TRPS1: variants seen among roughly 807,000 people sequenced by gnomAD.
TRPS1 encodes the protein zinc finger transcription factor Trps1.
In TRPS1, 6 loss-of-function variants were observed where a neutral mutation model predicts 101.2. The observed-to-expected ratio is 0.06, with a 90% confidence interval of 0.03 to 0.12. The LOEUF (loss-of-function observed/expected upper bound fraction) is 0.12, where lower values mean the gene tolerates loss of function less well. Among genes scored for constraint, TRPS1 ranks in the 10% least tolerant of loss-of-function variants. The probability of loss-of-function intolerance (pLI) is 1.00; values close to 1 mark genes in which losing one functional copy is unlikely to be tolerated. For missense variants in TRPS1, 1,363 were observed against 1,567.0 expected (o/e 0.87, Z 2.20); for synonymous variants, 578 against 589.8 (o/e 0.98, Z 0.29).
At chr8:115,539,837 T>C (rs1052601825) in intron 5 of TRPS1, among the ~76,000 whole-genome samples, 3 of 152,150 alleles carry the variant, frequency 2.0e-5, no homozygotes, top group African/African-American at 7.2e-5. Flanking sequence ...GCCTGGGACA[T>C]AGAGGCTGGA....
intron 5 of TRPS1, among the ~76,000 whole-genome samples, chr8:115,559,067 A>C (rs1816889664): frequency 6.6e-6 from 1 of 152,146 alleles, no homozygotes; most frequent in Non-Finnish European, 1.5e-5. Flanking sequence ...TTCAAGATAA[A>C]ACCTCTGTCT....
At chr8:115,504,109 T>A (rs775295482) in intron 5 of TRPS1, among the ~76,000 whole-genome samples, 25 of 152,212 alleles carry the variant, frequency 1.6e-4, no homozygotes, top group South Asian at 4.1e-4. Flanking sequence ...CATTTCCTAC[T>A]GGCATCCAAT....
intron 6 of TRPS1, 47 bp from the exon 7 acceptor site, chr8:115,415,131 C>T (rs1812887827): frequency 1.3e-6 from 2 of 1,526,200 alleles, no homozygotes; most frequent in Non-Finnish European, 1.8e-6. Flanking sequence ...TTAAAAAATA[C>T]ATTAAAATGC....
intron 5 of TRPS1, among the ~76,000 whole-genome samples, chr8:115,453,210 G>A (rs1460822271): frequency 6.6e-6 from 1 of 151,922 alleles, no homozygotes; most frequent in Admixed American, 6.6e-5. Context: ...TAGTAGAGAC[G>A]GGGTTTCACC....
In TRPS1 at chr8:115,418,471, A is replaced by C; in HGVS notation, c.2701-19T>G. On this transcript the variant is annotated intron_variant, in intron 5 of 6. Transcript: ENST00000395715. The surrounding 1 kb of genome is among the most constrained non-coding windows in gnomAD (Gnocchi z 4.3). ...TACGCCTCTGAAACAGGGGAAAAAAACCAAGGTCAGAGGTGAGTCACATGA... is the reference window on the plus strand; with the variant it reads ...TACGCCTCTGAAACAGGGGAAAAAACCCAAGGTCAGAGGTGAGTCACATGA... 6.2e-7 allele frequency: 1 copy of C among 1,614,110 alleles called. No individual in the cohort carries two copies.
intron 5 of TRPS1, among the ~76,000 whole-genome samples, chr8:115,476,454 A>G (rs1432540370): frequency 6.6e-6 from 1 of 152,176 alleles, no homozygotes. Context: ...AAAACAAACT[A>G]TCAGAGAGGG....
Position 115,493,617 on chromosome 8 carries a change from A to G in TRPS1, c.2701-75165T>C, listed in dbSNP as rs1046674402. On this transcript the variant is annotated intron_variant, in intron 5 of 6. Coordinates refer to ENST00000395715, the MANE Select transcript of TRPS1 (RefSeq NM_014112.5). ...ACCCGCCTCAGCCTCCCAAAGTGCTAGGATTACAGACGTGAGCCACCACGC... is the reference window on the plus strand; with the variant it reads ...ACCCGCCTCAGCCTCCCAAAGTGCTGGGATTACAGACGTGAGCCACCACGC... Among the ~76,000 whole-genome samples, 3 of 152,184 alleles carry G rather than the reference A, an allele frequency of 2.0e-5. No individual in the cohort carries two copies. The East Asian group carries it at 5.8e-4, about 30-fold the overall frequency.
intron 5 of TRPS1, among the ~76,000 whole-genome samples, chr8:115,461,350 C>A (rs894470444): frequency 6.6e-6 from 1 of 151,688 alleles, no homozygotes. Flanking sequence ...CATACCCACA[C>A]AAGTAGGTAG....
intron 5 of TRPS1, among the ~76,000 whole-genome samples, chr8:115,556,767 T>A (rs1372280188): frequency 6.6e-6 from 1 of 152,196 alleles, no homozygotes; most frequent in Non-Finnish European, 1.5e-5. Context: ...AAATTCATCA[T>A]GTCTAGTGGC....
intron 1 of TRPS1, among the ~76,000 whole-genome samples, chr8:115,634,568 T>C (rs1202307585): frequency 6.6e-6 from 1 of 152,172 alleles, no homozygotes; most frequent in Non-Finnish European, 1.5e-5. Flanking sequence ...AGATTTCACC[T>C]AAACAGTACT....
intron 1 of TRPS1, among the ~76,000 whole-genome samples, chr8:115,663,686 C>T (rs1176203751): frequency 7.7e-6 from 1 of 129,906 alleles, no homozygotes; most frequent in Non-Finnish European, 1.6e-5. Flanking sequence ...ATTTCACCTT[C>T]ATTTTTGCTA....
At chr8:115,644,851 G>A (rs1300219841) in intron 1 of TRPS1, among the ~76,000 whole-genome samples, 1 of 152,104 alleles carries the variant, frequency 6.6e-6, no homozygotes, top group East Asian at 1.9e-4. Flanking sequence ...GGAATAGGGA[G>A]GACCAACGAG....
intron 5 of TRPS1, among the ~76,000 whole-genome samples, chr8:115,428,118 T>C (rs918035376): frequency 1.3e-5 from 2 of 152,208 alleles, no homozygotes; most frequent in Admixed American, 6.5e-5. Flanking sequence ...AACAATTTAC[T>C]AGATTTCTTT....
At chr8:115,640,507 T>C (rs1818870763) in intron 1 of TRPS1, among the ~76,000 whole-genome samples, 1 of 152,216 alleles carries the variant, frequency 6.6e-6, no homozygotes, top group Non-Finnish European at 1.5e-5. Context: ...ACAGGTCTAC[T>C]GTTCAAAACT....
rs1818350242 is a variant in TRPS1, at chr8:115,619,768, A to G, written c.330T>C (p.Phe110=). ...TCACCTCATCATGCGGAAAGGAGGG[A>G]AAGTTTCCTCCCTTACTGGGGCTTT... The part of the protein sequence containing the change: ...NYESPSKGGN[F]PSFPHDEVTD... Residue 110 remains phenylalanine (F), a synonymous_variant, in exon 3 of 7, where the codon TTT becomes TTC. Transcript: ENST00000395715. 2 of 1,614,170 alleles carry G rather than the reference A, an allele frequency of 1.2e-6. No homozygotes were observed. Among genetic ancestry groups the G allele is most frequent in the Non-Finnish European group, 1.7e-6 (2 of 1,180,024 alleles).
At chr8:115,447,434 C>A (rs1204113591) in intron 5 of TRPS1, among the ~76,000 whole-genome samples, 1 of 152,094 alleles carries the variant, frequency 6.6e-6, no homozygotes, top group Non-Finnish European at 1.5e-5. Flanking sequence ...AAATTATCTC[C>A]TTTATGTGTT....
In TRPS1 at chr8:115,509,427, A is replaced by C. The variant is rs763840778; in HGVS notation, c.2700+77574T>G. On this transcript the variant is annotated intron_variant, in intron 5 of 6. Transcript: ENST00000395715. ...CCAAGTGTGGGGAAGGGTTTGGTGA[A>C]TATCTCAGGAATAATCAGTGAGTGT... 6.6e-5 allele frequency among the ~76,000 whole-genome samples: 10 copies of C among 152,160 alleles called. No individual in the cohort carries two copies. The South Asian group carries it at 1.2e-3, about 19-fold the overall frequency.
intron 5 of TRPS1, among the ~76,000 whole-genome samples, chr8:115,445,401 T>C (rs535690670): frequency 2.0e-5 from 3 of 152,296 alleles, no homozygotes; most frequent in African/African-American, 7.2e-5. Context: ...CCCAAAACCT[T>C]TCTTTAGTGA....
intron 5 of TRPS1, among the ~76,000 whole-genome samples, chr8:115,494,826 A>G (rs1022857434): frequency 2.0e-5 from 3 of 152,210 alleles, no homozygotes; most frequent in Non-Finnish European, 4.4e-5. Context: ...CCAAAGCTTA[A>G]TACTGCTTTT....
Sources: gnomAD v4.1 joint callset for allele counts (sites outside exome capture counted in the v4.1 genomes callset) on GRCh38, gnomAD v4.1.1 for gene constraint, Gnocchi (gnomAD v3.1) non-coding constraint, MANE v1.5 for transcripts, NCBI Gene and HGNC (gene_info 2026-07-23, HGNC 2026-07-21) for gene names.